Variants in SLC22A25 observed in about 807,000 individuals in gnomAD.
SLC22A25 encodes the protein solute carrier family 22 member 25.
SLC22A25 carries 44 observed loss-of-function variants against 45.9 expected under a neutral mutation model. The observed-to-expected ratio is 0.96, with a 90% CI of 0.75 to 1.23. SLC22A25 has a LOEUF of 1.23. Among genes scored for constraint, SLC22A25 ranks in the 50% most tolerant of loss-of-function variants. The pLI, the probability that SLC22A25 is intolerant of heterozygous loss-of-function variation, is 0.00. For synonymous variants in SLC22A25, 283 were observed against 238.6 expected, an observed-to-expected ratio of 1.19 and a Z score of -1.72; for missense variants, 800 against 666.4, an observed-to-expected ratio of 1.20 and a Z score of -2.21.
chr11:63,199,415 C>A (rs112019309), intron 7 of SLC22A25, among the ~76,000 whole-genome samples: 1 of 152,062 alleles, frequency 6.6e-6, no homozygotes, highest in South Asian at 2.1e-4. Flanking sequence ...TAATAAATAA[C>A]CTACTGAAGG....
At chr11:63,243,307 T>C in intron 1 of SLC22A25, 127 bp downstream of exon 1, 2 of 451,488 alleles carry the variant, frequency 4.4e-6, no homozygotes, top group South Asian at 4.5e-5. Context: ...CTTCTGATGG[T>C]GGCCAACATG....
At chr11:63,174,868 C>T (rs1033983697) in intron 9 of SLC22A25, among the ~76,000 whole-genome samples, 1 of 152,050 alleles carries the variant, frequency 6.6e-6, no homozygotes, top group Non-Finnish European at 1.5e-5. Context: ...TTAGATATCT[C>T]ATATAAGGGG....
intron 7 of SLC22A25, among the ~76,000 whole-genome samples, chr11:63,202,564 C>T (rs1035214747): frequency 1.1e-4 from 16 of 152,222 alleles, no homozygotes; most frequent in East Asian, 5.8e-4. Context: ...GAGCCCACCA[C>T]GGCTCAGTGC....
At chr11:63,238,142 TC>T (rs1382809337) in intron 2 of SLC22A25, 130 bp from the exon 3 acceptor site, 1 of 152,196 alleles carries the variant, frequency 6.6e-6, no homozygotes, top group Non-Finnish European at 1.5e-5. Flanking sequence ...CTCTGTAGCC[TC>T]CCTTTTCTTT....
chr11:63,216,045 A>G (rs1485278024), intron 7 of SLC22A25, among the ~76,000 whole-genome samples: 2 of 152,108 alleles, frequency 1.3e-5, no homozygotes, highest in Non-Finnish European at 2.9e-5. Flanking sequence ...TGTTTTTGTT[A>G]TTGTTGATAG....
chr11:63,170,354 T>G (rs1484083646), intron 9 of SLC22A25, among the ~76,000 whole-genome samples: 1 of 150,838 alleles, frequency 6.6e-6, no homozygotes, highest in Admixed American at 6.6e-5. Context: ...ACAAAACCAC[T>G]CATAAAAATC....
chr11:63,187,194 A>G (rs2088590627), intron 7 of SLC22A25, among the ~76,000 whole-genome samples: 1 of 152,028 alleles, frequency 6.6e-6, no homozygotes, highest in African/African-American at 2.4e-5. Flanking sequence ...ATGTTCTTCC[A>G]TTTGTTTTTA....
At chr11:63,212,061 G>A (rs1426970312) in intron 7 of SLC22A25, among the ~76,000 whole-genome samples, 3 of 152,228 alleles carry the variant, frequency 2.0e-5, no homozygotes, top group South Asian at 4.1e-4. Flanking sequence ...AAAGACACAC[G>A]AAAAAATGCT....
chr11:63,164,213 T>C lies in SLC22A25; in HGVS notation c.1395-140A>G, dbSNP rs973912405. Reference sequence around the variant, plus strand: ...TACTCTTGCTTTTGAAATTTTCTCTTATTTGCTAGCAATTTATTTTAGATT... The same window carrying C: ...TACTCTTGCTTTTGAAATTTTCTCTCATTTGCTAGCAATTTATTTTAGATT... On this transcript the variant is annotated intron_variant, in intron 11 of 11. Coordinates refer to ENST00000306494, the MANE Select transcript of SLC22A25 (RefSeq NM_199352.6). 8 of 1,172,436 alleles carry C rather than the reference T, an allele frequency of 6.8e-6. No individual in the cohort carries two copies. In the Admixed American group the frequency reaches 2.1e-4, roughly 30 times the overall value. 72.6% of individuals were successfully genotyped at this position (1,172,436 alleles called of 1,614,324 possible).
At chr11:63,186,072 C>T (rs2088530254) in intron 7 of SLC22A25, among the ~76,000 whole-genome samples, 1 of 151,086 alleles carries the variant, frequency 6.6e-6, no homozygotes, top group Non-Finnish European at 1.5e-5. Context: ...AATGGGATGG[C>T]TGGGTCAAAT....
At chr11:63,232,157 C>T (rs2090080718) in intron 3 of SLC22A25, among the ~76,000 whole-genome samples, 1 of 151,990 alleles carries the variant, frequency 6.6e-6, no homozygotes, top group Non-Finnish European at 1.5e-5. Flanking sequence ...TAGTTTTTTC[C>T]AATTGTGTGA....
At chr11:63,203,188 C>T (rs150246906) in intron 7 of SLC22A25, among the ~76,000 whole-genome samples, 120 of 152,156 alleles carry the variant, frequency 7.9e-4, no homozygotes, top group Non-Finnish European at 1.6e-3. Flanking sequence ...TAGATAAATC[C>T]ACAAAGATGA....
At position 63,163,092 on chromosome 11, in the gene SLC22A25, G is replaced by A. The variant is rs1213935641; in HGVS notation, c.*732C>T. On this transcript the variant is annotated 3_prime_UTR_variant, in exon 12 of 12. Transcript: ENST00000306494. Reference sequence around the variant, plus strand: ...GCCCACTAGCTTTAATAAAAAACATGCCTCTGCCCGCAAGTGTTTGTGTAA... The same window carrying A: ...GCCCACTAGCTTTAATAAAAAACATACCTCTGCCCGCAAGTGTTTGTGTAA... Among the ~76,000 whole-genome samples, 1 of 152,136 alleles carries A rather than the reference G, an allele frequency of 6.6e-6. No homozygotes were observed. The highest frequency in any genetic ancestry group is 1.5e-5 in the Non-Finnish European group (1 of 68,008).
At chr11:63,195,114 G>A (rs1439825633) in intron 7 of SLC22A25, among the ~76,000 whole-genome samples, 1 of 151,934 alleles carries the variant, frequency 6.6e-6, no homozygotes, top group Non-Finnish European at 1.5e-5. Context: ...CTAGTCCTTA[G>A]AGACCTACAA....
intron 7 of SLC22A25, among the ~76,000 whole-genome samples, chr11:63,203,769 C>G (rs562713240): frequency 6.6e-6 from 1 of 152,216 alleles, no homozygotes; most frequent in East Asian, 1.9e-4. Flanking sequence ...CCCAACCTAG[C>G]AAGACAGGCC....
Position 63,208,694 on chromosome 11 carries a change from GC to G in SLC22A25, c.830+8619del, listed in dbSNP as rs2089474394. Among the ~76,000 whole-genome samples, 4 of 152,284 alleles carry G rather than the reference GC, an allele frequency of 2.6e-5. No homozygotes were observed. In the South Asian group the frequency reaches 8.3e-4, roughly 32 times the overall value. Reference sequence around the variant, plus strand: ...TGTGAAAGAGACAGTGTTGGGAGAGGCCAATGTGGGGAGTGACAGGAGGCAT... The same window carrying G: ...TGTGAAAGAGACAGTGTTGGGAGAGGCAATGTGGGGAGTGACAGGAGGCAT... On this transcript the variant is annotated intron_variant, in intron 7 of 11. Transcript: ENST00000306494.
chr11:63,174,924 T>A (rs1306112138), intron 9 of SLC22A25, among the ~76,000 whole-genome samples: 1 of 152,150 alleles, frequency 6.6e-6, no homozygotes, highest in Admixed American at 6.6e-5. Flanking sequence ...TAACTTAGCA[T>A]AATGTCCTCA....
At chr11:63,172,471 G>C (rs866720597) in intron 9 of SLC22A25, among the ~76,000 whole-genome samples, 9 of 152,154 alleles carry the variant, frequency 5.9e-5, no homozygotes, top group Middle Eastern at 6.8e-3. Flanking sequence ...CAAAAAGTGG[G>C]CAAATGATGT....
Position 63,224,138 on chromosome 11 carries a change from A to G in SLC22A25, c.506+4323T>C, listed in dbSNP as rs893275412. 3.9e-5 allele frequency among the ~76,000 whole-genome samples: 6 copies of G among 152,194 alleles called. No homozygotes were observed. The East Asian group carries it at 9.6e-4, about 24-fold the overall frequency. On this transcript the variant is annotated intron_variant, in intron 5 of 11. Transcript: ENST00000306494. ...TTTCTTTATGTATCTGAGTGCACCA[A>G]TGTTGTGCGTATATATTTATAATTT... is the stretch of plus-strand genomic sequence containing the variant.
Sources: allele counts gnomAD v4.1 joint callset (sites outside exome capture counted in the v4.1 genomes callset), GRCh38; gene constraint gnomAD v4.1.1; transcripts MANE v1.5; gene names NCBI Gene and HGNC (gene_info 2026-07-23, HGNC 2026-07-21).